Variants in GPALPP1 observed in about 807,000 individuals in gnomAD.
GPALPP1 encodes the protein GPALPP motifs-containing protein 1.
Under a neutral mutation model 38.9 loss-of-function variants are expected in GPALPP1, and 30 were observed. The observed-to-expected ratio is 0.77, with a 90% CI of 0.58 to 1.05. GPALPP1 has a LOEUF of 1.05. Ranked by LOEUF, GPALPP1 falls within the 50% of genes least tolerant of loss-of-function variation. The probability of loss-of-function intolerance (pLI) is 0.00; values close to 1 mark genes in which losing one functional copy is unlikely to be tolerated. For synonymous variants in GPALPP1, 120 were observed against 139.2 expected (o/e 0.86, Z 0.97); for missense variants, 384 against 408.8 (o/e 0.94, Z 0.52).
At chr13:45,025,478 G>C (rs1177260894) in intron 7 of GPALPP1, among the ~76,000 whole-genome samples, 1 of 152,060 alleles carries the variant, frequency 6.6e-6, no homozygotes, top group East Asian at 1.9e-4. Flanking sequence ...GATGTTGTGA[G>C]GATATAGTAA....
chr13:45,001,107 A>C (rs976351133), intron 1 of GPALPP1, among the ~76,000 whole-genome samples: 1 of 152,132 alleles, frequency 6.6e-6, no homozygotes, highest in African/African-American at 2.4e-5. Flanking sequence ...ACCTGGTGGG[A>C]GGTAACTGAA....
chr13:44,992,734 C>T (rs952163199), intron 1 of GPALPP1, among the ~76,000 whole-genome samples: 7 of 152,184 alleles, frequency 4.6e-5, no homozygotes, highest in Non-Finnish European at 1.0e-4. Context: ...TATCACCTTC[C>T]TTATAAATCA....
chr13:45,027,181 C>A (rs1875893139), intron 7 of GPALPP1, among the ~76,000 whole-genome samples: 2 of 152,084 alleles, frequency 1.3e-5, no homozygotes, highest in Admixed American at 6.6e-5. Context: ...CTATCCTTTA[C>A]CTTAGTCAAT....
intron 5 of GPALPP1, 43 bp downstream of exon 5, chr13:45,015,126 A>G (rs1874753499): frequency 7.8e-7 from 1 of 1,274,144 alleles, no homozygotes; most frequent in African/African-American, 1.5e-5. Context: ...AAATAGATTA[A>G]AAATCTAAAT....
At chr13:45,016,580 A>G (rs909796574) in intron 6 of GPALPP1, among the ~76,000 whole-genome samples, 1 of 152,126 alleles carries the variant, frequency 6.6e-6, no homozygotes, top group Non-Finnish European at 1.5e-5. Context: ...CAGTATCCCC[A>G]GTACTACTCC....
intron 4 of GPALPP1, among the ~76,000 whole-genome samples, chr13:45,012,703 C>T (rs190020963): frequency 6.6e-6 from 1 of 152,202 alleles, no homozygotes; most frequent in East Asian, 1.9e-4. Flanking sequence ...CACTGTAGGT[C>T]CATATGTGAG....
At chr13:45,015,350 A>G in intron 5 of GPALPP1, 82 bp from the exon 6 acceptor site, 1 of 806,388 alleles carries the variant, frequency 1.2e-6, no homozygotes, top group Non-Finnish European at 1.9e-6. Flanking sequence ...CAATTGCATG[A>G]CACAGTTGCT....
chr13:44,991,352 CAGG>C (rs1383945239), intron 1 of GPALPP1, among the ~76,000 whole-genome samples: 1 of 151,580 alleles, frequency 6.6e-6, no homozygotes, highest in Non-Finnish European at 1.5e-5. Context: ...GAGGCTGAGG[CAGG>C]AGAATTGCTT....
At chr13:45,036,539 CTG>C (rs1471157147) in exon 8 of GPALPP1, 3 of 152,200 alleles carry the variant, frequency 2.0e-5, no homozygotes, top group Non-Finnish European at 4.4e-5. Context: ...TCTTAGATAA[CTG>C]TGCTTTGGCA....
intron 7 of GPALPP1, among the ~76,000 whole-genome samples, chr13:45,026,727 A>G (rs1875858642): frequency 1.3e-5 from 2 of 152,172 alleles, no homozygotes; most frequent in African/African-American, 4.8e-5. Flanking sequence ...AAGGTAAAAT[A>G]CCCATTTCTA....
chr13:45,034,740 TTA>T (rs1419483700), downstream of GPALPP1: 4 of 134,812 alleles, frequency 3.0e-5, no homozygotes, highest in Admixed American at 7.5e-5. Context: ...TTTTTTTTTT[TTA>T]TTTTTTTTTT....
chr13:45,020,325 C>T lies in GPALPP1; in HGVS notation c.706-5C>T. The T allele has an allele frequency of 1.6e-6, 2 of 1,214,942 alleles. No homozygotes were observed. The highest frequency in any genetic ancestry group is 1.2e-5 in the South Asian group (1 of 81,826). 75.3% of individuals were successfully genotyped at this position (1,214,942 alleles called of 1,614,324 possible). A position where few individuals can be genotyped will look rare whatever the true frequency, so the allele number is the denominator to read the frequency against. On this transcript the variant is annotated splice_polypyrimidine_tract_variant and splice_region_variant and intron_variant, in intron 6 of 7. Transcript: ENST00000379151. ...AGTAATGTGTTATCTGTGTTCATTC[C>T]TCAGGAAACACAAGAAGCAAGGAAG...
intron 1 of GPALPP1, among the ~76,000 whole-genome samples, chr13:44,990,673 A>T (rs890356395): frequency 6.6e-6 from 1 of 152,202 alleles, no homozygotes; most frequent in African/African-American, 2.4e-5. Flanking sequence ...GTTGGAGAAG[A>T]GTAAAGCTGA....
At chr13:44,996,459 G>T (rs12864298) in intron 1 of GPALPP1, among the ~76,000 whole-genome samples, 5 of 150,772 alleles carry the variant, frequency 3.3e-5, no homozygotes, top group Non-Finnish European at 5.9e-5. Flanking sequence ...ATGGAGTCTG[G>T]AAGAAACCTA....
chr13:45,015,085 TA>T lies in GPALPP1; in HGVS notation c.540+4del, dbSNP rs1566079842. The T allele has an allele frequency of 1.3e-6, 2 of 1,582,306 alleles. No individual in the cohort carries two copies. Among genetic ancestry groups the T allele is most frequent in the Non-Finnish European group, 1.7e-6 (2 of 1,159,558 alleles). On this transcript the variant is annotated splice_donor_region_variant and intron_variant, in intron 5 of 7. Coordinates refer to ENST00000379151, the MANE Select transcript of GPALPP1 (RefSeq NM_018559.5). Reference sequence around the variant, plus strand: ...GAAAAACTGACCAAAGGAGATGATGTAAGTTTTAAAAACACTTTAAGAAATA... The same window carrying T: ...GAAAAACTGACCAAAGGAGATGATGTAGTTTTAAAAACACTTTAAGAAATA...
At chr13:45,009,406 C>T (rs936167541) in intron 4 of GPALPP1, among the ~76,000 whole-genome samples, 4 of 152,180 alleles carry the variant, frequency 2.6e-5, no homozygotes, top group African/African-American at 9.6e-5. Context: ...TTGTAGAGTA[C>T]TTTACAATTT....
At position 45,015,422 on chromosome 13, in the gene GPALPP1, T is replaced by G. The variant is rs768352108; in HGVS notation, c.541-10T>G. The G allele has an allele frequency of 1.3e-6, 2 of 1,532,238 alleles. No homozygotes were observed. Among genetic ancestry groups the G allele is most frequent in the African/African-American group, 1.4e-5 (1 of 70,998 alleles). 94.9% of individuals were successfully genotyped at this position (1,532,238 alleles called of 1,614,324 possible). A position where few individuals can be genotyped will look rare whatever the true frequency, so the allele number is the denominator to read the frequency against. ...TACTTTCTATGCTGTGTTTTTTTTT[T>G]CTCTTAAAGGATTCATCTAAACCCA... On this transcript the variant is annotated splice_polypyrimidine_tract_variant and intron_variant, in intron 5 of 7. Transcript: ENST00000379151.
At chr13:45,003,924 A>G (rs540729861) in intron 1 of GPALPP1, among the ~76,000 whole-genome samples, 1 of 151,522 alleles carries the variant, frequency 6.6e-6, no homozygotes, top group South Asian at 2.1e-4. Flanking sequence ...AAAAAAAATC[A>G]TGAAGCCATT....
rs1566086339 is a variant in GPALPP1 at position 45,028,202 on chromosome 13, A to C, written c.*199A>C. The C allele has an allele frequency of 2.9e-6, 1 of 340,556 alleles. No homozygotes were observed. Among genetic ancestry groups the C allele is most frequent in the South Asian group, 6.8e-5 (1 of 14,750 alleles). 21.1% of individuals were successfully genotyped at this position (340,556 alleles called of 1,614,324 possible). A position where few individuals can be genotyped will look rare whatever the true frequency, so the allele number is the denominator to read the frequency against. ...ATATGTCTTACTGGAAAAATCCCTC[A>C]TAATAACCTAATAGGGCATTGCTAT... On this transcript the variant is annotated 3_prime_UTR_variant, in exon 8 of 8. Coordinates refer to ENST00000379151, the MANE Select transcript of GPALPP1 (RefSeq NM_018559.5).
Sources: gnomAD v4.1 joint callset for allele counts (sites outside exome capture counted in the v4.1 genomes callset) on GRCh38, gnomAD v4.1.1 for gene constraint, MANE v1.5 for transcripts, NCBI Gene and HGNC (gene_info 2026-07-23, HGNC 2026-07-21) for gene names.